PROM1: variants seen among roughly 807,000 people sequenced by gnomAD.
PROM1 encodes prominin 1, also known as prominin-1.
In PROM1, 105 loss-of-function variants were observed where a neutral mutation model predicts 116.9. That is an observed-to-expected ratio of 0.90 (90% CI 0.77 to 1.06). The LOEUF (loss-of-function observed/expected upper bound fraction) is 1.06, where lower values mean the gene tolerates loss of function less well. Ranked by LOEUF, PROM1 falls within the 50% of genes least tolerant of loss-of-function variation. The probability of loss-of-function intolerance (pLI) is 0.00; values close to 1 mark genes in which losing one functional copy is unlikely to be tolerated. For synonymous variants in PROM1, 393 were observed against 387.0 expected (o/e 1.02, Z -0.18); for missense variants, 1,122 against 1,045.2 (o/e 1.07, Z -1.01).
In PROM1 at chr4:16,038,959, A is replaced by AT. The variant is rs1210104601; in HGVS notation, c.262dup (p.Ile88AsnfsTer2). The AT allele has an allele frequency of 1.3e-6, 2 of 1,497,730 alleles. No individual in the cohort carries two copies. The highest frequency in any genetic ancestry group is 1.8e-6 in the Non-Finnish European group (2 of 1,122,196). 92.8% of individuals were successfully genotyped at this position (1,497,730 alleles called of 1,614,324 possible). A position where few individuals can be genotyped will look rare whatever the true frequency, so the allele number is the denominator to read the frequency against. On this transcript the variant is annotated frameshift_variant, in exon 3 of 28. Transcript: ENST00000447510. LOFTEE classifies it high-confidence loss of function. ...ATGAAAAATTACCTTGTCATAATCA[A>AT]TTTTGGATTCATATGCCTTCTGTAA...
At chr4:15,975,387 T>A (rs2149001539) in intron 26 of PROM1, among the ~76,000 whole-genome samples, 1 of 152,172 alleles carries the variant, frequency 6.6e-6, no homozygotes, top group African/African-American at 2.4e-5. Flanking sequence ...GCCCAGCTAA[T>A]TTTTTGTATT....
intron 14 of PROM1, 110 bp downstream of exon 14, chr4:16,000,386 T>A: frequency 1.1e-6 from 1 of 952,342 alleles, no homozygotes; most frequent in East Asian, 3.2e-5. Flanking sequence ...TTACTGAATT[T>A]AAACCAAACT....
intron 2 of PROM1, among the ~76,000 whole-genome samples, chr4:16,055,635 T>C (rs903979340): frequency 6.6e-6 from 1 of 152,144 alleles, no homozygotes; most frequent in African/African-American, 2.4e-5. Flanking sequence ...GCTACATAGC[T>C]AGGCAGAGGC....
At chr4:16,004,905 CCCTTCCTTCCTTCCTT>C (rs147785330) in intron 13 of PROM1, among the ~76,000 whole-genome samples, 1 of 114,410 alleles carries the variant, frequency 8.7e-6, no homozygotes, top group Non-Finnish European at 1.8e-5. Flanking sequence ...CTCTCTCTCT[CCCTTCCTTCCTTCCTT>C]CCTTCCTTCC....
intron 5 of PROM1, among the ~76,000 whole-genome samples, chr4:16,028,507 A>G (rs1731888020): frequency 6.6e-6 from 1 of 152,252 alleles, no homozygotes; most frequent in Non-Finnish European, 1.5e-5. Context: ...TTTAAATACT[A>G]TGCAGACCAA....
rs759147565 is a variant in PROM1 at position 16,013,320 on chromosome 4, C to A, written c.1096G>T (p.Asp366Tyr). 3 of 1,606,240 alleles carry A rather than the reference C, an allele frequency of 1.9e-6. No individual in the cohort carries two copies. Among genetic ancestry groups the A allele is most frequent in the Non-Finnish European group, 2.6e-6 (3 of 1,172,888 alleles). Residue 366 changes from aspartate (D) to tyrosine (Y), a missense_variant, in exon 11 of 28, where the codon GAT (aspartate) becomes TAT (tyrosine). Asp to Tyr is a radical substitution (Grantham distance 160). Coordinates refer to ENST00000447510, the MANE Select transcript of PROM1 (RefSeq NM_006017.3). The part of the protein sequence containing the change: ...LVQQGYQSLN[D>Y]IPDRVQRQTT... ...TGGCGTTGTACTCTGTCAGGTATAT[C>A]ATTAAGGGATTGATAGCCCTGAAAA...
chr4:16,032,451 A>G (rs1732938169), intron 5 of PROM1, among the ~76,000 whole-genome samples: 1 of 152,152 alleles, frequency 6.6e-6, no homozygotes, highest in Non-Finnish European at 1.5e-5. Flanking sequence ...AAAAAATCTT[A>G]CGGCTACTGA....
In PROM1 at chr4:15,989,771, T is replaced by A; in HGVS notation, c.2037A>T (p.Thr679=). The change falls in exon 19 of 28, where the codon ACA becomes ACT. Residue 679 remains threonine (T), a synonymous_variant. Transcript: ENST00000447510. ...TAGGAAGGACTCGTTGCTGGTGAAT[T>A]GTTTTAATAGTTTGTGCATCTCTTT... is the stretch of plus-strand genomic sequence containing the variant. ...SLKRDAQTIK[T]IHQQRVLPIE... The A allele has an allele frequency of 1.2e-6, 2 of 1,610,252 alleles. No individual in the cohort carries two copies. The highest frequency in any genetic ancestry group is 2.2e-5 in the South Asian group (2 of 90,140).
rs1578085814 is a variant in PROM1 at position 16,023,365 on chromosome 4, T to C, written c.745A>G (p.Ile249Val). The change falls in exon 8 of 28, where the codon ATC becomes GTC. Residue 249 changes from isoleucine to valine, a missense_variant. Transcript: ENST00000447510. ...TTAATCTCATCAAGAACAGGGATGATGTTGGGTCTCAGTCGGTCAAGAATT... is the reference window on the plus strand; with the variant it reads ...TTAATCTCATCAAGAACAGGGATGACGTTGGGTCTCAGTCGGTCAAGAATT... ...GGILDRLRPN[I>V]IPVLDEIKSM... The C allele has an allele frequency of 1.2e-6, 2 of 1,608,124 alleles. No homozygotes were observed. The highest frequency in any genetic ancestry group is 1.1e-5 in the South Asian group (1 of 89,684).
chr4:15,971,075 G>C lies in PROM1; in HGVS notation c.2590C>G (p.Gln864Glu). 2 of 1,577,378 alleles carry C rather than the reference G, an allele frequency of 1.3e-6. No individual in the cohort carries two copies. The highest frequency in any genetic ancestry group is 1.7e-6 in the Non-Finnish European group (2 of 1,162,022). Residue 864 changes from glutamine to glutamate, a missense_variant, in exon 27 of 28, where the codon CAA becomes GAA. Physicochemically the swap from Gln to Glu is conservative, Grantham distance 29 (BLOSUM62 2). Transcript: ENST00000447510. ...AGTTTCAACATCAGCTATCAATGTT[G>C]TGATGGGCTAAAAAACAAAAAAATA... Reference protein sequence around the residue: ...IHNPVMTSPSQH With the variant: ...IHNPVMTSPSEH
At chr4:15,980,990 C>A (rs1449398476) in intron 23 of PROM1, among the ~76,000 whole-genome samples, 1 of 92,530 alleles carries the variant, frequency 1.1e-5, no homozygotes, top group Non-Finnish European at 2.5e-5. Context: ...TAGACAGAAT[C>A]TCACTCTGTC....
At chr4:15,998,521 C>A in intron 14 of PROM1, 33 bp from the exon 15 acceptor site, 2 of 1,534,514 alleles carry the variant, frequency 1.3e-6, no homozygotes, top group Non-Finnish European at 1.7e-6. Context: ...TTCGAAAAAT[C>A]AGTTTTACAC....
chr4:16,004,862 T>TCCCTTC (rs1577970967), intron 13 of PROM1, among the ~76,000 whole-genome samples: 1 of 138,340 alleles, frequency 7.2e-6, no homozygotes, highest in Non-Finnish European at 1.6e-5. Flanking sequence ...CCTTCCTTCC[T>TCCCTTC]CTCTCTCTCC....
rs1438591766 is a variant in PROM1, at chr4:16,024,329, G to A, written c.660C>T (p.Asn220=). The change falls in exon 7 of 28, where the codon AAC becomes AAT. Residue 220 remains asparagine (N), a synonymous_variant. Coordinates refer to ENST00000447510, the MANE Select transcript of PROM1 (RefSeq NM_006017.3). ...CTGTGAACGCCTTGTCCTTGGTAGT[G>A]TTGTACTGGGCCAATATATATTTGA... ...EQIKYILAQY[N]TTKDKAFTDL... The A allele has an allele frequency of 3.1e-6, 5 of 1,613,270 alleles. No homozygotes were observed. The highest frequency in any genetic ancestry group is 1.3e-5 in the African/African-American group (1 of 74,894).
intron 23 of PROM1, among the ~76,000 whole-genome samples, chr4:15,981,258 G>A (rs1435420152): frequency 1.3e-5 from 2 of 150,186 alleles, no homozygotes; most frequent in Non-Finnish European, 3.0e-5. Flanking sequence ...ACCGCGCCTG[G>A]CTGAGTTGTT....
At chr4:16,002,189 G>A (rs1724038033) in intron 13 of PROM1, among the ~76,000 whole-genome samples, 1 of 152,036 alleles carries the variant, frequency 6.6e-6, no homozygotes, top group Admixed American at 6.6e-5. Flanking sequence ...GACTGTTGCA[G>A]GAAAGTGTGG....
chr4:15,995,860 T>C (rs1046500651), intron 15 of PROM1, among the ~76,000 whole-genome samples: 7 of 152,210 alleles, frequency 4.6e-5, no homozygotes, highest in African/African-American at 1.7e-4. Context: ...CACTGTATTC[T>C]AGAACACTTC....
At chr4:16,078,549 C>T (rs1483166365) in intron 1 of PROM1, among the ~76,000 whole-genome samples, 2 of 152,190 alleles carry the variant, frequency 1.3e-5, no homozygotes, top group African/African-American at 4.8e-5. Context: ...CTGGAAGGAT[C>T]CCAAGTGTAC....
At chr4:16,038,269 T>A (rs1406589305) in intron 3 of PROM1, among the ~76,000 whole-genome samples, 1 of 152,212 alleles carries the variant, frequency 6.6e-6, no homozygotes, top group Non-Finnish European at 1.5e-5. Context: ...CAAACGATGT[T>A]TTATAACAGA....
Sources: gnomAD v4.1 joint callset for allele counts (sites outside exome capture counted in the v4.1 genomes callset) on GRCh38, gnomAD v4.1.1 for gene constraint, MANE v1.5 for transcripts, NCBI Gene and HGNC (gene_info 2026-07-23, HGNC 2026-07-21) for gene names.